Variants in ITGB3 observed in about 807,000 individuals in gnomAD.
ITGB3 encodes the protein integrin subunit beta 3, also known as integrin beta-3.
ITGB3 carries 48 observed loss-of-function variants against 85.8 expected under a neutral mutation model. The ratio of observed to expected loss-of-function variants is 0.56; its 90% CI spans 0.44 to 0.71. The LOEUF (loss-of-function observed/expected upper bound fraction) is 0.71, where lower values mean the gene tolerates loss of function less well. ITGB3 is among the 30% of genes least tolerant of loss of function. The pLI, the probability that ITGB3 is intolerant of heterozygous loss-of-function variation, is 0.00. For synonymous variants in ITGB3, 363 were observed against 395.6 expected (o/e 0.92, Z 0.98); for missense variants, 861 against 1,019.1 (o/e 0.84, Z 2.11).
In ITGB3 at chr17:47,289,761, A is replaced by C. The variant is rs1312425723; in HGVS notation, c.1020A>C (p.Val340=). 1.2e-6 allele frequency: 2 copies of C among 1,613,660 alleles called. No individual in the cohort carries two copies. Among genetic ancestry groups the C allele is most frequent in the South Asian group, 2.2e-5 (2 of 91,076 alleles). Residue 340 remains valine (V), a synonymous_variant, in exon 7 of 15, where the codon GTA becomes GTC. Transcript: ENST00000559488. ...INLIFAVTEN[V]VNLYQNYSEL... ...TGATCTTTGCAGTGACTGAAAATGT[A>C]GTCAATCTCTATCAGGTGACTGTGC...
chr17:47,288,228 GA>G (rs1567765391), intron 6 of ITGB3, among the ~76,000 whole-genome samples: 1 of 133,770 alleles, frequency 7.5e-6, no homozygotes, highest in African/African-American at 3.1e-5. Context: ...GAGAGAGAGA[GA>G]GAGAGAGAGA....
chr17:47,297,758 T>C (rs1211900763), intron 10 of ITGB3, among the ~76,000 whole-genome samples: 1 of 151,592 alleles, frequency 6.6e-6, no homozygotes, highest in Non-Finnish European at 1.5e-5. Context: ...GGCACATGCC[T>C]GTAGTCCCAG....
intron 1 of ITGB3, among the ~76,000 whole-genome samples, chr17:47,267,634 A>T (rs1284665913): frequency 6.6e-6 from 1 of 151,936 alleles, no homozygotes; most frequent in Admixed American, 6.6e-5. Flanking sequence ...GGTAACCATG[A>T]CTCTGCAGGC....
intron 12 of ITGB3, 150 bp from the exon 13 acceptor site, chr17:47,302,571 C>A: frequency 1.1e-6 from 1 of 916,192 alleles, no homozygotes. Context: ...CTGCCAGACA[C>A]AACAGCCACC....
At chr17:47,269,412 A>G (rs905220869) in intron 1 of ITGB3, among the ~76,000 whole-genome samples, 15 of 152,164 alleles carry the variant, frequency 9.9e-5, no homozygotes, top group African/African-American at 3.6e-4. Context: ...CTGCCTAGAA[A>G]TTTCATCTGA....
intron 1 of ITGB3, among the ~76,000 whole-genome samples, chr17:47,262,528 T>C (rs2065012094): frequency 6.6e-6 from 1 of 152,152 alleles, no homozygotes; most frequent in Non-Finnish European, 1.5e-5. Flanking sequence ...CCTGTTGATG[T>C]TTTCTGGCTG....
At position 47,274,153 on chromosome 17, in the gene ITGB3, C is replaced by G. The variant is rs3851807; in HGVS notation, c.80-266C>G. On this transcript the variant is annotated intron_variant, in intron 1 of 14. Coordinates refer to ENST00000559488, the MANE Select transcript of ITGB3 (RefSeq NM_000212.3). ...TCCATCAGTTACGATCTGAGACTTGCGTCCATGGCTCAGCCTTGCCCTGTC... is the reference window on the plus strand; with the variant it reads ...TCCATCAGTTACGATCTGAGACTTGGGTCCATGGCTCAGCCTTGCCCTGTC... 0.36 allele frequency among the ~76,000 whole-genome samples: 54,826 copies of G among 152,056 alleles called. 10,375 individuals carry two copies. The highest frequency in any genetic ancestry group is 0.57 in the East Asian group (2,968 of 5,174).
At chr17:47,300,346 C>CGTGCATGTGTGTGTGT (rs1555573424) in intron 11 of ITGB3, 132 bp from the exon 12 acceptor site, 10 of 619,834 alleles carry the variant, frequency 1.6e-5, no homozygotes, top group Middle Eastern at 4.2e-4. Flanking sequence ...CGCGCGCGCG[C>CGTGCATGTGTGTGTGT]GTGTGTGTGT....
At chr17:47,282,960 A>G (rs2065088996) in intron 2 of ITGB3, among the ~76,000 whole-genome samples, 2 of 152,236 alleles carry the variant, frequency 1.3e-5, no homozygotes, top group Admixed American at 1.3e-4. Context: ...AATGTGTGGT[A>G]TTCCACAGTT....
chr17:47,281,295 T>C (rs2065083027), intron 2 of ITGB3, among the ~76,000 whole-genome samples: 1 of 152,128 alleles, frequency 6.6e-6, no homozygotes, highest in South Asian at 2.1e-4. Context: ...GGCCTAGACA[T>C]TGTGAAATAG....
intron 12 of ITGB3, among the ~76,000 whole-genome samples, chr17:47,301,859 A>AG (rs2143136141): frequency 6.6e-6 from 1 of 152,270 alleles, no homozygotes; most frequent in Non-Finnish European, 1.5e-5. Flanking sequence ...TGGCAAATTA[A>AG]GATAAGAACT....
chr17:47,295,473 C>T (rs2065142469), intron 10 of ITGB3, among the ~76,000 whole-genome samples: 1 of 152,184 alleles, frequency 6.6e-6, no homozygotes, highest in Non-Finnish European at 1.5e-5. Flanking sequence ...ACTCAGCCTC[C>T]CTTTTGCTGG....
intron 1 of ITGB3, among the ~76,000 whole-genome samples, chr17:47,255,135 C>T (rs1427470083): frequency 1.3e-5 from 2 of 151,776 alleles, no homozygotes; most frequent in Admixed American, 6.6e-5. Flanking sequence ...CCTGCCACCA[C>T]GGCCGGCTAA....
At chr17:47,259,464 T>A (rs2065001686) in intron 1 of ITGB3, 1 of 152,164 alleles carries the variant, frequency 6.6e-6, no homozygotes, top group Admixed American at 6.6e-5. Context: ...ATGAAAAGAC[T>A]ATTTACTTAC....
intron 1 of ITGB3, among the ~76,000 whole-genome samples, chr17:47,263,553 G>C (rs535509653): frequency 1.0e-3 from 144 of 144,018 alleles, no homozygotes; most frequent in African/African-American, 3.6e-3. Context: ...GCAGTGGCAC[G>C]ATCTTGGCTC....
rs141819382 is a variant in ITGB3, at chr17:47,284,714, C to T, written c.614+19C>T. 50 of 1,614,130 alleles carry T rather than the reference C, an allele frequency of 3.1e-5. 1 individual carries two copies. In the East Asian group the frequency reaches 3.6e-4, roughly 12 times the overall value. On this transcript the variant is annotated intron_variant, in intron 4 of 14. Transcript: ENST00000559488. ...GCTATGAGTAAGTCCCTCCTCCAGACGCCAGGACAGCATCCTTTGCCCCAG... is the reference window on the plus strand; with the variant it reads ...GCTATGAGTAAGTCCCTCCTCCAGATGCCAGGACAGCATCCTTTGCCCCAG...
At chr17:47,271,422 T>A (rs1001006271) in intron 1 of ITGB3, among the ~76,000 whole-genome samples, 1 of 152,110 alleles carries the variant, frequency 6.6e-6, no homozygotes, top group Non-Finnish European at 1.5e-5. Flanking sequence ...CAGTAAGACG[T>A]TAGGAGTAGT....
chr17:47,265,894 A>T (rs2065023556), intron 1 of ITGB3, among the ~76,000 whole-genome samples: 2 of 152,154 alleles, frequency 1.3e-5, no homozygotes, highest in African/African-American at 4.8e-5. Context: ...GCTTTGGGTG[A>T]TGCTTACTGG....
rs775095815 is a variant in ITGB3 at position 47,283,483 on chromosome 17, G to A, written c.295G>A (p.Gly99Ser). 3.1e-6 allele frequency: 5 copies of A among 1,614,072 alleles called. No homozygotes were observed. The East Asian group carries it at 1.1e-4, about 36-fold the overall frequency. ...VLEDRPLSDKGSGDSSQVTQV... is the reference protein window; with the variant it reads ...VLEDRPLSDKSSGDSSQVTQV... ...AGAGGACAGGCCCCTCAGCGACAAG[G>A]GCTCTGGAGACAGCTCCCAGGTCAC... Residue 99 changes from glycine (G) to serine (S), a missense_variant, in exon 3 of 15, where the codon GGC (glycine) becomes AGC (serine). Physicochemically the swap from Gly to Ser is moderately conservative, Grantham distance 56 (BLOSUM62 0). Coordinates refer to ENST00000559488, the MANE Select transcript of ITGB3 (RefSeq NM_000212.3).
Sources: gnomAD v4.1 joint callset for allele counts (sites outside exome capture counted in the v4.1 genomes callset) on GRCh38, gnomAD v4.1.1 for gene constraint, MANE v1.5 for transcripts, NCBI Gene and HGNC (gene_info 2026-07-23, HGNC 2026-07-21) for gene names.